WDR82: variants seen among roughly 807,000 people sequenced by gnomAD.
The protein encoded by WDR82 is WD repeat-containing protein 82.
WDR82 carries 8 observed loss-of-function variants against 36.1 expected under a neutral mutation model. The observed-to-expected ratio is 0.22, with a 90% CI of 0.13 to 0.40. The LOEUF is 0.40. WDR82 is among the 10% of genes least tolerant of loss of function. The probability of loss-of-function intolerance (pLI) is 1.00; values close to 1 mark genes in which losing one functional copy is unlikely to be tolerated. For synonymous variants in WDR82, 129 were observed against 137.8 expected (o/e 0.94, Z 0.45); for missense variants, 185 against 400.5 (o/e 0.46, Z 4.59).
chr3:52,255,588 G>A lies in WDR82; in HGVS notation c.*1902C>T, dbSNP rs764305152. 6.6e-6 allele frequency: 1 copy of A among 151,666 alleles called. No individual in the cohort carries two copies. Among genetic ancestry groups the A allele is most frequent in the Non-Finnish European group, 1.5e-5 (1 of 67,976 alleles). The allele number at this position is 151,666 out of a possible 1,614,324, so 9.4% of individuals were successfully genotyped here. A position where few individuals can be genotyped will look rare whatever the true frequency, so the allele number is the denominator to read the frequency against. The stretch of plus-strand genomic sequence containing the variant: ...GTGTACGCCTCTTGCACTTTCAGAG[G>A]AACAAGTCAAAAAGTAATTGCTTAA... On this transcript the variant is annotated 3_prime_UTR_variant, in exon 9 of 9. Transcript: ENST00000296490.
At chr3:52,272,836 C>T (rs556657581) in intron 1 of WDR82, among the ~76,000 whole-genome samples, 47 of 152,350 alleles carry the variant, frequency 3.1e-4, no homozygotes, top group South Asian at 1.9e-3. Flanking sequence ...TTTGCACTTT[C>T]AATTTTTGTT....
At chr3:52,257,599 C>A (rs1700020978) in intron 8 of WDR82, 80 bp from the exon 9 acceptor site, 1 of 1,580,660 alleles carries the variant, frequency 6.3e-7, no homozygotes, top group Admixed American at 1.7e-5. Flanking sequence ...CACCCCACAG[C>A]AAAAATGTGC....
Position 52,278,401 on chromosome 3 carries a change from G to C in WDR82, c.-40C>G. ...AAGGCAGCGGCGGCGCAGGGCCGGG[G>C]CGGGGCCCGGCGGCGAGCGGGCGGG... On this transcript the variant is annotated 5_prime_UTR_variant, in exon 1 of 9. Transcript: ENST00000296490. The C allele has an allele frequency of 7.8e-7, 1 of 1,285,588 alleles. No individual in the cohort carries two copies. The highest frequency in any genetic ancestry group is 1.6e-5 in the African/African-American group (1 of 63,348). 79.6% of individuals were successfully genotyped at this position (1,285,588 alleles called of 1,614,324 possible).
At chr3:52,260,162 T>G (rs984872520) in intron 5 of WDR82, among the ~76,000 whole-genome samples, 16 of 152,080 alleles carry the variant, frequency 1.1e-4, no homozygotes, top group African/African-American at 3.6e-4. Flanking sequence ...GAAACCCATC[T>G]CTACTAAATA....
intron 1 of WDR82, among the ~76,000 whole-genome samples, chr3:52,275,031 G>A (rs965103644): frequency 1.8e-4 from 27 of 152,134 alleles, no homozygotes; most frequent in Non-Finnish European, 3.5e-4. Context: ...AGACCAGCCT[G>A]ACCAACATGG....
chr3:52,259,532 C>T (rs1412428249), intron 6 of WDR82, among the ~76,000 whole-genome samples, 185 bp downstream of exon 6: 19 of 152,258 alleles, frequency 1.2e-4, no homozygotes, highest in African/African-American at 4.6e-4. Flanking sequence ...ACTTGGGTCA[C>T]TTGGTGAGAA....
At chr3:52,259,380 T>A in intron 6 of WDR82, 114 bp from the exon 7 acceptor site, 1 of 1,050,132 alleles carries the variant, frequency 9.5e-7, no homozygotes. Flanking sequence ...ACCCTTTCCT[T>A]GTCATGTACT....
intron 1 of WDR82, among the ~76,000 whole-genome samples, chr3:52,274,794 C>T (rs546254190): frequency 3.9e-5 from 6 of 152,128 alleles, no homozygotes; most frequent in African/African-American, 1.4e-4. Flanking sequence ...CCCAGCTACT[C>T]GGGAGGCTGA....
At position 52,273,641 on chromosome 3, in the gene WDR82, G is replaced by C. The variant is rs1700173917; in HGVS notation, c.162-2832C>G. ...TGATTTTTATTATTTTTATGTTTTT[G>C]AGACATTCTCGCTCTGTTACCCTGG... On this transcript the variant is annotated intron_variant, in intron 1 of 8. Transcript: ENST00000296490. Among the ~76,000 whole-genome samples the C allele has an allele frequency of 2.6e-5, 4 of 151,844 alleles. 1 individual carries two copies. In the South Asian group the frequency reaches 8.3e-4, roughly 32 times the overall value.
intron 2 of WDR82, among the ~76,000 whole-genome samples, chr3:52,269,882 T>C (rs1164168908): frequency 6.6e-6 from 1 of 152,252 alleles, no homozygotes; most frequent in East Asian, 1.9e-4. Flanking sequence ...AGATTGTTTA[T>C]TATAGAAAGA....
intron 2 of WDR82, chr3:52,267,718 T>G (rs1700118431): frequency 1.3e-5 from 2 of 152,330 alleles, no homozygotes; most frequent in South Asian, 4.1e-4. Flanking sequence ...GATTTGTGCT[T>G]GTGGAAAAAT....
chr3:52,270,637 A>T, intron 2 of WDR82, 75 bp downstream of exon 2: 1 of 1,103,948 alleles, frequency 9.1e-7, no homozygotes, highest in Non-Finnish European at 1.3e-6. Flanking sequence ...CACAAAGCAG[A>T]AGTAGTCACA....
At chr3:52,266,334 T>A (rs555580888) in intron 3 of WDR82, among the ~76,000 whole-genome samples, 1 of 152,138 alleles carries the variant, frequency 6.6e-6, no homozygotes, top group Non-Finnish European at 1.5e-5. Context: ...AAGTTTTCAC[T>A]GAATATCTTT....
intron 1 of WDR82, among the ~76,000 whole-genome samples, chr3:52,275,754 T>C (rs1001444557): frequency 2.6e-5 from 4 of 152,018 alleles, no homozygotes; most frequent in East Asian, 3.9e-4. Context: ...CATGGTGGCA[T>C]GCACCTGTAA....
chr3:52,261,512 C>A, intron 3 of WDR82, 33 bp from the exon 4 acceptor site: 2 of 1,584,870 alleles, frequency 1.3e-6, no homozygotes, highest in Non-Finnish European at 1.7e-6. Flanking sequence ...GGAGTTGATG[C>A]GAAATATTAG....
At chr3:52,270,982 A>G (rs1700148203) in intron 1 of WDR82, among the ~76,000 whole-genome samples, 173 bp from the exon 2 acceptor site, 1 of 152,270 alleles carries the variant, frequency 6.6e-6, no homozygotes. Flanking sequence ...CTCAAGCAAC[A>G]GCCATCTGAA....
intron 8 of WDR82, 145 bp from the exon 9 acceptor site, chr3:52,257,664 T>G: frequency 1.2e-6 from 1 of 811,068 alleles, no homozygotes; most frequent in African/African-American, 1.7e-5. Flanking sequence ...CCCGATGCTC[T>G]AAGGAGACAG....
intron 6 of WDR82, 114 bp downstream of exon 6, chr3:52,259,603 T>G: frequency 7.8e-7 from 1 of 1,279,918 alleles, no homozygotes. Context: ...TACAAGTGCA[T>G]GCCTTCATGA....
At chr3:52,263,772 A>G (rs1442493193) in intron 3 of WDR82, among the ~76,000 whole-genome samples, 1 of 152,244 alleles carries the variant, frequency 6.6e-6, no homozygotes. Context: ...GACAGAGAGA[A>G]GCTGGCCCAA....
Sources: gnomAD v4.1 joint callset for allele counts (sites outside exome capture counted in the v4.1 genomes callset) on GRCh38, gnomAD v4.1.1 for gene constraint, MANE v1.5 for transcripts, NCBI Gene and HGNC (gene_info 2026-07-23, HGNC 2026-07-21) for gene names.